RERE: variants seen among roughly 807,000 people sequenced by gnomAD.
RERE encodes arginine-glutamic acid dipeptide repeats.
In RERE, 40 loss-of-function variants were observed where a neutral mutation model predicts 146.1. That is an observed-to-expected ratio of 0.27 (90% CI 0.21 to 0.36). The LOEUF is 0.36. Among genes scored for constraint, RERE ranks in the 10% least tolerant of loss-of-function variants. RERE has a pLI of 1.00. For missense variants in RERE, 1,933 were observed against 2,138.7 expected, an observed-to-expected ratio of 0.90 and a Z score of 1.90; for synonymous variants, 1,003 against 866.0, an observed-to-expected ratio of 1.16 and a Z score of -2.78.
At chr1:8,811,533 A>C (rs1641810390) in intron 1 of RERE, among the ~76,000 whole-genome samples, 1 of 152,212 alleles carries the variant, frequency 6.6e-6, no homozygotes, top group Non-Finnish European at 1.5e-5. Flanking sequence ...ACTTGAGCCC[A>C]GGAGTTCAAG....
At chr1:8,471,349 G>A (rs1169000850) in intron 10 of RERE, among the ~76,000 whole-genome samples, 3 of 151,456 alleles carry the variant, frequency 2.0e-5, no homozygotes, top group Non-Finnish European at 4.4e-5. Flanking sequence ...TGTTGGCTCT[G>A]TCTCCCACAC....
intron 1 of RERE, among the ~76,000 whole-genome samples, chr1:8,774,136 C>G (rs1009994056): frequency 1.3e-5 from 2 of 152,128 alleles, no homozygotes; most frequent in Non-Finnish European, 2.9e-5. Flanking sequence ...ACCTCTAAAG[C>G]CATTCATTCG....
chr1:8,461,887 C>G (rs765692353), intron 11 of RERE, among the ~76,000 whole-genome samples: 1 of 152,072 alleles, frequency 6.6e-6, no homozygotes, highest in Non-Finnish European at 1.5e-5. Context: ...CTCTGTTGCC[C>G]AGGCTGGAGT....
chr1:8,404,372 C>G (rs1643376629), intron 12 of RERE, among the ~76,000 whole-genome samples: 1 of 151,792 alleles, frequency 6.6e-6, no homozygotes, highest in East Asian at 2.0e-4. Context: ...GAGCCGAGAT[C>G]GCACCACTAC....
chr1:8,756,611 T>TA (rs1286006913), intron 1 of RERE, among the ~76,000 whole-genome samples: 1 of 152,236 alleles, frequency 6.6e-6, no homozygotes, highest in African/African-American at 2.4e-5. Context: ...CTGTCCTTTT[T>TA]ATTACTGGTA....
At chr1:8,616,398 T>G (rs1271403320) in intron 3 of RERE, among the ~76,000 whole-genome samples, 1 of 152,170 alleles carries the variant, frequency 6.6e-6, no homozygotes, top group South Asian at 2.1e-4. Context: ...AGGTTTTTCT[T>G]GGACTATTGA....
intron 20 of RERE, 96 bp downstream of exon 20, chr1:8,358,100 A>G: frequency 6.6e-7 from 1 of 1,507,288 alleles, no homozygotes; most frequent in Non-Finnish European, 8.9e-7. Flanking sequence ...TCTGTTCAGA[A>G]AAGAACAGTT....
chr1:8,444,717 A>C (rs979616729), intron 11 of RERE, among the ~76,000 whole-genome samples: 1 of 152,144 alleles, frequency 6.6e-6, no homozygotes. Context: ...ATAGTGAGTG[A>C]GTTCTTGCAA....
At chr1:8,662,305 C>CA (rs1491247864) in intron 1 of RERE, among the ~76,000 whole-genome samples, 2 of 152,222 alleles carry the variant, frequency 1.3e-5, no homozygotes, top group Admixed American at 1.3e-4. Flanking sequence ...CCAAACATCT[C>CA]ACACTACTTC....
At chr1:8,695,260 A>T (rs1639302971) in intron 1 of RERE, among the ~76,000 whole-genome samples, 1 of 152,116 alleles carries the variant, frequency 6.6e-6, no homozygotes, top group African/African-American at 2.4e-5. Flanking sequence ...TATAAACATC[A>T]ACTCAAGGTG....
chr1:8,393,888 T>G (rs1642966594), intron 12 of RERE, among the ~76,000 whole-genome samples: 1 of 152,202 alleles, frequency 6.6e-6, no homozygotes, highest in South Asian at 2.1e-4. Flanking sequence ...TTCCTTCATT[T>G]TTTGTTTATA....
intron 4 of RERE, among the ~76,000 whole-genome samples, chr1:8,587,151 G>C (rs909641564): frequency 2.0e-5 from 3 of 152,110 alleles, no homozygotes; most frequent in Non-Finnish European, 4.4e-5. Context: ...CGAAAACCAG[G>C]AAGTCTTCAA....
chr1:8,437,222 G>A (rs1644182085), intron 11 of RERE, among the ~76,000 whole-genome samples: 1 of 152,146 alleles, frequency 6.6e-6, no homozygotes, highest in Non-Finnish European at 1.5e-5. Context: ...ATACAGGAGG[G>A]GCTCCTGGAT....
chr1:8,523,886 C>T (rs1270628881), intron 7 of RERE, among the ~76,000 whole-genome samples: 1 of 152,190 alleles, frequency 6.6e-6, no homozygotes, highest in African/African-American at 2.4e-5. Flanking sequence ...TTCCTGTTCA[C>T]ATTTTTATTT....
At chr1:8,470,171 G>GT (rs1329562222) in intron 10 of RERE, among the ~76,000 whole-genome samples, 3 of 152,064 alleles carry the variant, frequency 2.0e-5, no homozygotes, top group Non-Finnish European at 4.4e-5. Flanking sequence ...CATGTTATCA[G>GT]TAAGTATTGA....
intron 12 of RERE, among the ~76,000 whole-genome samples, chr1:8,391,887 C>T (rs1164524297): frequency 6.6e-6 from 1 of 152,052 alleles, no homozygotes; most frequent in East Asian, 1.9e-4. Context: ...ATTGGCTGGG[C>T]ATGGTAGCAG....
intron 1 of RERE, among the ~76,000 whole-genome samples, chr1:8,775,172 G>A (rs1038265219): frequency 6.6e-6 from 1 of 151,476 alleles, no homozygotes; most frequent in African/African-American, 2.4e-5. Context: ...TGTTGGCCAG[G>A]ATGGTCTCGA....
intron 2 of RERE, among the ~76,000 whole-genome samples, chr1:8,640,048 G>C (rs1647156007): frequency 6.6e-6 from 1 of 152,124 alleles, no homozygotes; most frequent in African/African-American, 2.4e-5. Flanking sequence ...AGCTACTTGA[G>C]AGGCTGAAGT....
intron 2 of RERE, among the ~76,000 whole-genome samples, chr1:8,631,991 C>A (rs1048631778): frequency 6.6e-6 from 1 of 152,182 alleles, no homozygotes; most frequent in Non-Finnish European, 1.5e-5. Context: ...CTTAAAAATG[C>A]AGGTGACAAT....
Sources: allele counts gnomAD v4.1 joint callset (sites outside exome capture counted in the v4.1 genomes callset), GRCh38; gene constraint gnomAD v4.1.1; transcripts MANE v1.5; gene names NCBI Gene and HGNC (gene_info 2026-07-23, HGNC 2026-07-21).